TTYH3: variants seen among roughly 807,000 people sequenced by gnomAD.
The protein encoded by TTYH3 is tweety family member 3, also known as protein tweety homolog 3.
In TTYH3, 23 loss-of-function variants were observed where a neutral mutation model predicts 68.2. That is an observed-to-expected ratio of 0.34 (90% CI 0.24 to 0.48). TTYH3 has a LOEUF of 0.48. Ranked by LOEUF, TTYH3 falls within the 20% of genes least tolerant of loss-of-function variation. The probability of loss-of-function intolerance (pLI) is 0.99; values close to 1 mark genes in which losing one functional copy is unlikely to be tolerated. For missense variants in TTYH3, 768 were observed against 727.7 expected, an observed-to-expected ratio of 1.06 and a Z score of -0.64; for synonymous variants, 360 against 332.8, an observed-to-expected ratio of 1.08 and a Z score of -0.89.
intron 5 of TTYH3, 119 bp downstream of exon 5, chr7:2,648,173 T>G (rs1786054323): frequency 2.1e-6 from 2 of 943,234 alleles, no homozygotes; most frequent in Admixed American, 2.3e-5. Flanking sequence ...CGGTGGGGGC[T>G]GAGCGGGACC....
At chr7:2,646,757 T>G in intron 1 of TTYH3, 96 bp from the exon 2 acceptor site, 1 of 1,331,648 alleles carries the variant, frequency 7.5e-7, no homozygotes, top group Non-Finnish European at 1.0e-6. Flanking sequence ...GGGGCAGGAT[T>G]AAATGGGAGT....
chr7:2,658,014 C>A (rs1786384336), intron 11 of TTYH3, among the ~76,000 whole-genome samples: 1 of 152,230 alleles, frequency 6.6e-6, no homozygotes, highest in Non-Finnish European at 1.5e-5. Context: ...ACTCTTCTTT[C>A]AGTAAGCAGC....
intron 5 of TTYH3, 110 bp from the exon 6 acceptor site, chr7:2,649,457 G>A (rs1786098925): frequency 9.2e-7 from 1 of 1,088,588 alleles, no homozygotes. Context: ...CAGCCCATGT[G>A]TGGGCTGACC....
At chr7:2,658,154 A>G (rs1786387597) in intron 11 of TTYH3, 132 bp from the exon 12 acceptor site, 1 of 932,736 alleles carries the variant, frequency 1.1e-6, no homozygotes, top group African/African-American at 1.7e-5. Context: ...ACAGTCCCAC[A>G]TGGAGTGTGC....
chr7:2,636,936 C>A (rs1471156639), intron 1 of TTYH3, among the ~76,000 whole-genome samples: 1 of 152,186 alleles, frequency 6.6e-6, no homozygotes, highest in Non-Finnish European at 1.5e-5. Flanking sequence ...GGTTCTCAAG[C>A]CCCTTCCTTG....
At chr7:2,654,089 C>G (rs914548035) in intron 9 of TTYH3, among the ~76,000 whole-genome samples, 1 of 152,056 alleles carries the variant, frequency 6.6e-6, no homozygotes, top group Non-Finnish European at 1.5e-5. Flanking sequence ...AAGATAAAAG[C>G]AAACAAATGT....
intron 1 of TTYH3, among the ~76,000 whole-genome samples, chr7:2,636,497 A>G (rs1338111528): frequency 3.9e-5 from 6 of 152,070 alleles, no homozygotes; most frequent in Admixed American, 2.6e-4. Flanking sequence ...CCAGCGTCCC[A>G]CGGTGCCAGG....
chr7:2,650,257 A>T (rs1224475734), intron 7 of TTYH3, among the ~76,000 whole-genome samples: 2 of 152,204 alleles, frequency 1.3e-5, no homozygotes, highest in African/African-American at 4.8e-5. Context: ...GTAGATGCCC[A>T]GGGGAGGCCA....
Position 2,661,723 on chromosome 7 carries a change from C to T in TTYH3, c.1556C>T (p.Ser519Phe), listed in dbSNP as rs1046335189. The change falls in exon 14 of 14, where the codon TCC (serine) becomes TTC (phenylalanine). Residue 519 changes from serine (S) to phenylalanine (F), a missense_variant. Ser to Phe is a radical substitution (Grantham distance 155). Coordinates refer to ENST00000258796, the MANE Select transcript of TTYH3 (RefSeq NM_025250.3). The stretch of plus-strand genomic sequence containing the variant: ...GCCACGAGCCAGCCTCGCCCTGACT[C>T]CAGCGGCAGCCACTAGACCGCGCCC... ...YLATSQPRPD[S>F]SGSH 1 of 1,610,434 alleles carries T rather than the reference C, an allele frequency of 6.2e-7. No individual in the cohort carries two copies. The highest frequency in any genetic ancestry group is 1.3e-5 in the African/African-American group (1 of 74,982).
At position 2,661,695 on chromosome 7, in the gene TTYH3, C is replaced by G. The variant is rs1191842663; in HGVS notation, c.1528C>G (p.Leu510Val). ...CACCTCCAGCATGAGAGCCAAATAC[C>G]TCGCCACGAGCCAGCCTCGCCCTGA... ...SYTSSMRAKY[L>V]ATSQPRPDSS... Residue 510 changes from leucine to valine, a missense_variant, in exon 14 of 14, where the codon CTC becomes GTC. Transcript: ENST00000258796. 3.1e-6 allele frequency: 5 copies of G among 1,611,362 alleles called. No individual in the cohort carries two copies. Among genetic ancestry groups the G allele is most frequent in the Non-Finnish European group, 4.2e-6 (5 of 1,179,262 alleles).
intron 11 of TTYH3, among the ~76,000 whole-genome samples, chr7:2,657,992 G>A (rs1329315144): frequency 1.3e-5 from 2 of 152,210 alleles, no homozygotes; most frequent in African/African-American, 4.8e-5. Context: ...ACTCTCCCAG[G>A]AGGGGCCCTG....
At chr7:2,637,992 G>T (rs1785724938) in intron 1 of TTYH3, among the ~76,000 whole-genome samples, 1 of 152,198 alleles carries the variant, frequency 6.6e-6, no homozygotes, top group African/African-American at 2.4e-5. Context: ...AGTGCCCCTA[G>T]CCGTTCTGCC....
At chr7:2,649,295 G>A (rs910860231) in intron 5 of TTYH3, among the ~76,000 whole-genome samples, 1 of 152,088 alleles carries the variant, frequency 6.6e-6, no homozygotes, top group Non-Finnish European at 1.5e-5. Flanking sequence ...GAGGGACCTG[G>A]GGGACAGGAG....
chr7:2,642,537 C>CA (rs34165282), intron 1 of TTYH3, among the ~76,000 whole-genome samples: 14,484 of 56,774 alleles, frequency 0.26, 1,707 homozygotes, highest in African/African-American at 0.3. Context: ...GACTCTGTCT[C>CA]AAAAAAAAAA....
chr7:2,647,427 A>G lies in TTYH3; in HGVS notation c.415A>G (p.Thr139Ala), dbSNP rs1231804111. Residue 139 changes from threonine to alanine, a missense_variant, in exon 4 of 14, where the codon ACG (threonine) becomes GCG (alanine). Coordinates refer to ENST00000258796, the MANE Select transcript of TTYH3 (RefSeq NM_025250.3). Reference sequence around the variant, plus strand: ...CGCGGGTCCGGCGCAGGTGTGGGACACGGCGGTGGGGCTGAACCACACGGC... The same window carrying G: ...CGCGGGTCCGGCGCAGGTGTGGGACGCGGCGGTGGGGCTGAACCACACGGC... ...VAGVQDRVWD[T>A]AVGLNHTAEP... is the part of the protein sequence containing the mutation. 2 of 1,516,602 alleles carry G rather than the reference A, an allele frequency of 1.3e-6. No individual in the cohort carries two copies. The highest frequency in any genetic ancestry group is 2.5e-5 in the East Asian group (1 of 40,370). 93.9% of individuals were successfully genotyped at this position (1,516,602 alleles called of 1,614,324 possible).
intron 1 of TTYH3, among the ~76,000 whole-genome samples, chr7:2,632,851 G>T (rs1290129742): frequency 1.3e-5 from 2 of 152,262 alleles, no homozygotes; most frequent in East Asian, 1.9e-4. Context: ...TCTGTGGCCG[G>T]TAATGACCCC....
intron 1 of TTYH3, among the ~76,000 whole-genome samples, chr7:2,642,537 CAAAAAA>C (rs34165282): frequency 1.0e-4 from 6 of 57,540 alleles, no homozygotes; most frequent in Non-Finnish European, 1.4e-4. Flanking sequence ...GACTCTGTCT[CAAAAAA>C]AAAAAAAAAA....
intron 11 of TTYH3, 135 bp downstream of exon 11, chr7:2,656,669 C>A: frequency 9.4e-7 from 1 of 1,061,612 alleles, no homozygotes; most frequent in South Asian, 1.9e-5. Flanking sequence ...CCTCGTGACC[C>A]TCCCTAGGCC....
At position 2,647,748 on chromosome 7, in the gene TTYH3, G is replaced by T. The variant is rs1786040013; in HGVS notation, c.626+110G>T. ...CATGAGGCCTGATGGGCAGGGTGTGGCCCAGGGCCACTGGAGGTCACAGGC... is the reference window on the plus strand; with the variant it reads ...CATGAGGCCTGATGGGCAGGGTGTGTCCCAGGGCCACTGGAGGTCACAGGC... On this transcript the variant is annotated intron_variant, in intron 4 of 13. Transcript: ENST00000258796. 3 of 1,261,880 alleles carry T rather than the reference G, an allele frequency of 2.4e-6. No homozygotes were observed. In the East Asian group the frequency reaches 7.7e-5, roughly 32 times the overall value. The allele number at this position is 1,261,880 out of a possible 1,614,324, so 78.2% of individuals were successfully genotyped here.
Sources: allele counts gnomAD v4.1 joint callset (sites outside exome capture counted in the v4.1 genomes callset), GRCh38; gene constraint gnomAD v4.1.1; transcripts MANE v1.5; gene names NCBI Gene and HGNC (gene_info 2026-07-23, HGNC 2026-07-21).